Variants in PHACTR3 observed in about 807,000 individuals in gnomAD.
The protein encoded by PHACTR3 is phosphatase and actin regulator 3.
PHACTR3 carries 16 observed loss-of-function variants against 66.8 expected under a neutral mutation model. The observed-to-expected ratio is 0.24, with a 90% confidence interval of 0.16 to 0.36. PHACTR3 has a LOEUF of 0.36. Among genes scored for constraint, PHACTR3 ranks in the 10% least tolerant of loss-of-function variants. PHACTR3 has a pLI of 1.00. For missense variants in PHACTR3, 647 were observed against 719.9 expected (o/e 0.90, Z 1.16); for synonymous variants, 323 against 292.1 (o/e 1.11, Z -1.08).
chr20:59,626,451 A>G (rs916006978), intron 1 of PHACTR3: 1 of 152,318 alleles, frequency 6.6e-6, no homozygotes, highest in Non-Finnish European at 1.5e-5. Context: ...ATCTGTGCAG[A>G]GACCAGGCAA....
intron 5 of PHACTR3, 115 bp downstream of exon 5, chr20:59,767,510 C>G: frequency 1.7e-6 from 2 of 1,171,848 alleles, no homozygotes; most frequent in Non-Finnish European, 2.4e-6. Context: ...ATTCACTCAT[C>G]CATCCATCCA....
chr20:59,611,170 A>C (rs1426579453), intron 1 of PHACTR3, among the ~76,000 whole-genome samples: 3 of 152,242 alleles, frequency 2.0e-5, no homozygotes, highest in Non-Finnish European at 4.4e-5. Flanking sequence ...AGTTTCCTTT[A>C]ATGTAAAATG....
At chr20:59,623,676 G>A (rs1227912130) in intron 1 of PHACTR3, among the ~76,000 whole-genome samples, 1 of 152,166 alleles carries the variant, frequency 6.6e-6, no homozygotes, top group Non-Finnish European at 1.5e-5. Flanking sequence ...TGGACCAGAT[G>A]AAGGTGGGGT....
At chr20:59,589,952 G>A (rs2146310697) in intron 1 of PHACTR3, among the ~76,000 whole-genome samples, 2 of 152,364 alleles carry the variant, frequency 1.3e-5, no homozygotes, top group Admixed American at 1.3e-4. Context: ...AGCTCAGACA[G>A]CCGCCGTCGT....
chr20:59,753,927 C>G (rs2039690068), intron 3 of PHACTR3, among the ~76,000 whole-genome samples: 1 of 152,178 alleles, frequency 6.6e-6, no homozygotes, highest in African/African-American at 2.4e-5. Flanking sequence ...CCTCCTCCTT[C>G]CACTGCCAGG....
chr20:59,686,116 TA>T (rs1438471065), intron 1 of PHACTR3, among the ~76,000 whole-genome samples: 3 of 152,268 alleles, frequency 2.0e-5, no homozygotes, highest in South Asian at 4.2e-4. Flanking sequence ...GTGCCCACCT[TA>T]AAGACAGGAA....
intron 1 of PHACTR3, among the ~76,000 whole-genome samples, chr20:59,664,842 T>C (rs150428230): frequency 1.3e-5 from 2 of 152,296 alleles, no homozygotes; most frequent in Non-Finnish European, 2.9e-5. Context: ...AAATCTGACA[T>C]TGTCTGTGAA....
At chr20:59,722,180 C>G (rs369732479) in intron 1 of PHACTR3, among the ~76,000 whole-genome samples, 2 of 151,780 alleles carry the variant, frequency 1.3e-5, no homozygotes, top group East Asian at 1.9e-4. Flanking sequence ...TGCAGTGAGC[C>G]AAGAACATGC....
chr20:59,841,075 C>T (rs1331324583), intron 10 of PHACTR3, among the ~76,000 whole-genome samples: 2 of 152,110 alleles, frequency 1.3e-5, no homozygotes, highest in Non-Finnish European at 2.9e-5. Flanking sequence ...TTTTAAAAAG[C>T]TTATCTAATT....
At chr20:59,671,906 C>G (rs1189896955) in intron 1 of PHACTR3, among the ~76,000 whole-genome samples, 1 of 152,252 alleles carries the variant, frequency 6.6e-6, no homozygotes, top group Non-Finnish European at 1.5e-5. Flanking sequence ...AGCCTGGCCT[C>G]TCTAGGACAT....
At chr20:59,837,517 T>A (rs971926492) in intron 9 of PHACTR3, among the ~76,000 whole-genome samples, 1 of 152,204 alleles carries the variant, frequency 6.6e-6, no homozygotes, top group Non-Finnish European at 1.5e-5. Context: ...TATAGATTGT[T>A]GAAAATAACC....
At chr20:59,797,662 T>G (rs536651604) in intron 7 of PHACTR3, among the ~76,000 whole-genome samples, 2 of 152,158 alleles carry the variant, frequency 1.3e-5, no homozygotes, top group Non-Finnish European at 2.9e-5. Flanking sequence ...GTGGCAATAG[T>G]GGTAGCAAGC....
chr20:59,845,333 C>T (rs368069881), intron 12 of PHACTR3, 68 bp downstream of exon 12: 54 of 967,540 alleles, frequency 5.6e-5, no homozygotes, highest in South Asian at 1.6e-4. Flanking sequence ...CCCCGTCCCC[C>T]GCCACAAACC....
chr20:59,795,366 A>G (rs1054141356), intron 7 of PHACTR3, among the ~76,000 whole-genome samples: 5 of 148,812 alleles, frequency 3.4e-5, no homozygotes, highest in African/African-American at 9.9e-5. Flanking sequence ...TATGATTTTT[A>G]TCTTCTTAAA....
intron 1 of PHACTR3, among the ~76,000 whole-genome samples, chr20:59,733,203 C>A (rs1220368977): frequency 6.6e-6 from 1 of 151,790 alleles, no homozygotes. Context: ...GATGGTATGA[C>A]CCTTGTTTTG....
chr20:59,828,271 C>G (rs2042251006), intron 8 of PHACTR3, among the ~76,000 whole-genome samples: 1 of 152,172 alleles, frequency 6.6e-6, no homozygotes, highest in Non-Finnish European at 1.5e-5. Flanking sequence ...CACCAAGAAG[C>G]ATTCCTCCAC....
intron 1 of PHACTR3, among the ~76,000 whole-genome samples, chr20:59,633,263 A>G (rs927989861): frequency 8.5e-5 from 13 of 152,364 alleles, no homozygotes; most frequent in African/African-American, 3.1e-4. Flanking sequence ...AATGCCCATC[A>G]ATGATAGATT....
rs186914292 is a variant in PHACTR3, at chr20:59,641,060, T to A, written c.118+35928T>A. 4.1e-3 allele frequency among the ~76,000 whole-genome samples: 629 copies of A among 152,262 alleles called. 7 individuals are homozygous for A. The highest frequency in any genetic ancestry group is 4.4e-3 in the Non-Finnish European group (299 of 68,026). ...AATGTATGCATATATATACATATTA[T>A]ATTTGTCTGGGTTCTCCAGAGGAAC... On this transcript the variant is annotated intron_variant, in intron 1 of 12. Coordinates refer to ENST00000371015, the MANE Select transcript of PHACTR3 (RefSeq NM_080672.5).
chr20:59,751,346 G>A (rs559398269), intron 3 of PHACTR3, among the ~76,000 whole-genome samples: 1 of 152,314 alleles, frequency 6.6e-6, no homozygotes, highest in Non-Finnish European at 1.5e-5. Flanking sequence ...CAGGCCCTGT[G>A]AGGCTGTGGG....
Sources: gnomAD v4.1 joint callset for allele counts (sites outside exome capture counted in the v4.1 genomes callset) on GRCh38, gnomAD v4.1.1 for gene constraint, MANE v1.5 for transcripts, NCBI Gene and HGNC (gene_info 2026-07-23, HGNC 2026-07-21) for gene names.